Variants in BBX observed in about 807,000 individuals in gnomAD.
BBX encodes HMG box transcription factor BBX.
A neutral mutation model predicts 100.2 loss-of-function variants in BBX; 30 were observed. The observed-to-expected ratio is 0.30, with a 90% CI of 0.22 to 0.41. BBX has a LOEUF of 0.41. BBX is among the 10% of genes least tolerant of loss of function. The pLI, the probability that BBX is intolerant of heterozygous loss-of-function variation, is 1.00. For missense variants in BBX, 1,023 were observed against 1,129.8 expected, an observed-to-expected ratio of 0.91 and a Z score of 1.35; for synonymous variants, 376 against 388.1, an observed-to-expected ratio of 0.97 and a Z score of 0.37.
At chr3:107,671,218 A>G (rs1321023156) in intron 3 of BBX, among the ~76,000 whole-genome samples, 2 of 152,018 alleles carry the variant, frequency 1.3e-5, no homozygotes, top group East Asian at 1.9e-4. Context: ...CAGTTGCCCA[A>G]CAAAAGTTAT....
At chr3:107,555,842 C>T (rs993475620) in intron 2 of BBX, among the ~76,000 whole-genome samples, 16 of 152,242 alleles carry the variant, frequency 1.1e-4, no homozygotes, top group East Asian at 3.9e-4. Flanking sequence ...TATGAATAGT[C>T]CTCCCCTTGG....
intron 2 of BBX, among the ~76,000 whole-genome samples, chr3:107,567,335 T>C (rs1045199256): frequency 6.6e-6 from 1 of 152,144 alleles, no homozygotes; most frequent in Non-Finnish European, 1.5e-5. Context: ...TTGTCTCTTA[T>C]TTTCAGAGAG....
At chr3:107,594,985 G>T (rs1196519953) in intron 2 of BBX, among the ~76,000 whole-genome samples, 1 of 152,212 alleles carries the variant, frequency 6.6e-6, no homozygotes, top group African/African-American at 2.4e-5. Flanking sequence ...ACTCCAGAAT[G>T]TCTGCTCTTT....
At chr3:107,574,509 A>G (rs1426910448) in intron 2 of BBX, among the ~76,000 whole-genome samples, 1 of 152,194 alleles carries the variant, frequency 6.6e-6, no homozygotes, top group Non-Finnish European at 1.5e-5. Flanking sequence ...TGTTATTTAT[A>G]TTTTGGTACT....
intron 3 of BBX, among the ~76,000 whole-genome samples, chr3:107,667,731 T>G (rs1036014431): frequency 2.6e-5 from 4 of 152,014 alleles, no homozygotes; most frequent in African/African-American, 9.6e-5. Context: ...TAAAAGTAAC[T>G]CAGCATTGAG....
Position 107,773,103 on chromosome 3 carries a change from G to A in BBX, c.1382G>A (p.Arg461Gln), listed in dbSNP as rs748986229. 2.5e-6 allele frequency: 4 copies of A among 1,613,300 alleles called. No homozygotes were observed. The highest frequency in any genetic ancestry group is 1.1e-5 in the South Asian group (1 of 90,848). The change falls in exon 11 of 18, where the codon CGA becomes CAA. Residue 461 changes from arginine to glutamine, a missense_variant. Arg to Gln is a conservative substitution (Grantham distance 43). Around this residue, in one of 9 missense-constraint regions of BBX, gnomAD observed 348 missense variants for 353.2 expected, o/e 0.99. Transcript: ENST00000325805. The surrounding 1 kb of genome is among the most constrained non-coding windows in gnomAD (Gnocchi z 4.1). ...AAAAAGAAGAAAAGCAAAATGGATC[G>A]ACATGGAAATGATAAATCCACACCC... Reference protein sequence around the residue: ...KKKKKKSKMDRHGNDKSTPKK... With the variant: ...KKKKKKSKMDQHGNDKSTPKK...
intron 2 of BBX, among the ~76,000 whole-genome samples, chr3:107,596,683 A>C (rs186494216): frequency 3.5e-4 from 54 of 152,318 alleles, no homozygotes; most frequent in African/African-American, 1.1e-3. Flanking sequence ...CCTGGGAAAC[A>C]CTAATAAAGG....
intron 2 of BBX, among the ~76,000 whole-genome samples, chr3:107,639,845 A>G (rs1202953713): frequency 6.6e-6 from 1 of 152,214 alleles, no homozygotes; most frequent in Non-Finnish European, 1.5e-5. Flanking sequence ...TTAAACATAT[A>G]TGAAAGCCAT....
At chr3:107,730,402 A>C (rs2063234025) in intron 6 of BBX, among the ~76,000 whole-genome samples, 1 of 151,216 alleles carries the variant, frequency 6.6e-6, no homozygotes, top group African/African-American at 2.4e-5. Flanking sequence ...CTTCCAGCTG[A>C]TTTTCTTTGG....
intron 5 of BBX, among the ~76,000 whole-genome samples, chr3:107,724,840 G>A (rs1276781655): frequency 5.9e-5 from 9 of 152,130 alleles, no homozygotes; most frequent in South Asian, 2.1e-4. Context: ...GTCAGGTAGC[G>A]TGATGCCTCC....
In BBX at chr3:107,726,553, T is replaced by C. The variant is rs539933058; in HGVS notation, c.406-2212T>C. Among the ~76,000 whole-genome samples the C allele has an allele frequency of 5.9e-5, 9 of 152,156 alleles. No homozygotes were observed. In the East Asian group the frequency reaches 1.7e-3, roughly 29 times the overall value. The stretch of plus-strand genomic sequence containing the variant: ...ATATTGTGATACAGTTACAGAGTGT[T>C]GACCCTCATAGTAAATTCTGTTATT... On this transcript the variant is annotated intron_variant, in intron 5 of 17. Transcript: ENST00000325805.
rs376586358 is a variant in BBX, at chr3:107,798,693, C to T, written c.2524C>T (p.Arg842Trp). 3.3e-5 allele frequency: 53 copies of T among 1,613,774 alleles called. No homozygotes were observed. Among genetic ancestry groups the T allele is most frequent in the African/African-American group, 6.7e-5 (5 of 74,814 alleles). ...ACACCTTGTCAGGACAGCAGATGGC[C>T]GGGTATCACCAGCAGGAGGTACTTT... ...ITHLVRTADG[R>W]VSPAGGTLDD... Residue 842 changes from arginine to tryptophan, a missense_variant, in exon 16 of 18, where the codon CGG becomes TGG. Coordinates refer to ENST00000325805, the MANE Select transcript of BBX (RefSeq NM_001142568.3).
rs756290745 is a variant in BBX at position 107,716,695 on chromosome 3, T to C, written c.251T>C (p.Met84Thr). The C allele has an allele frequency of 1.2e-6, 2 of 1,613,806 alleles. No homozygotes were observed. Among genetic ancestry groups the C allele is most frequent in the African/African-American group, 1.3e-5 (1 of 75,008 alleles). ...ESPEQRARRP[M>T]NAFLLFCKRH... is the part of the protein sequence containing the mutation. ...CCAGAGCAGCGAGCCCGGAGACCAA[T>C]GAATGCATTTCTTTTATTTTGCAAA... is the stretch of plus-strand genomic sequence containing the variant. Residue 84 changes from methionine (M) to threonine (T), a missense_variant, in exon 5 of 18, where the codon ATG (methionine) becomes ACG (threonine). Coordinates refer to ENST00000325805, the MANE Select transcript of BBX (RefSeq NM_001142568.3).
intron 9 of BBX, among the ~76,000 whole-genome samples, chr3:107,750,633 C>T (rs2065011857): frequency 6.6e-6 from 1 of 152,178 alleles, no homozygotes; most frequent in Non-Finnish European, 1.5e-5. Flanking sequence ...AGTACCCTAA[C>T]TTTCAATCTT....
intron 4 of BBX, among the ~76,000 whole-genome samples, chr3:107,713,569 T>C (rs1177809937): frequency 1.3e-5 from 2 of 152,182 alleles, no homozygotes; most frequent in African/African-American, 4.8e-5. Context: ...ATGTATTTAC[T>C]TTTTGATTAA....
At chr3:107,794,189 G>A (rs2069358941) in intron 15 of BBX, among the ~76,000 whole-genome samples, 1 of 152,004 alleles carries the variant, frequency 6.6e-6, no homozygotes, top group Non-Finnish European at 1.5e-5. Context: ...ATAGTTTACA[G>A]GGGGCTTTCA....
At chr3:107,698,777 C>G (rs1313706423) in intron 3 of BBX, among the ~76,000 whole-genome samples, 1 of 144,534 alleles carries the variant, frequency 6.9e-6, no homozygotes. Context: ...GTCAAAATTA[C>G]AAATAGAGAG....
intron 2 of BBX, among the ~76,000 whole-genome samples, chr3:107,568,515 T>C (rs2051103216): frequency 6.6e-6 from 1 of 152,110 alleles, no homozygotes; most frequent in African/African-American, 2.4e-5. Flanking sequence ...CCCCTCGGCC[T>C]CCCAAAGTGC....
At chr3:107,657,354 T>A (rs1214914581) in intron 3 of BBX, among the ~76,000 whole-genome samples, 1 of 152,196 alleles carries the variant, frequency 6.6e-6, no homozygotes, top group African/African-American at 2.4e-5. Flanking sequence ...TAAGGATTCC[T>A]TCAATGACAA....
Sources: gnomAD v4.1 joint callset for allele counts (sites outside exome capture counted in the v4.1 genomes callset) on GRCh38, gnomAD v4.1.1 for gene constraint, gnomAD v4.1.1 regional missense constraint, Gnocchi (gnomAD v3.1) non-coding constraint, MANE v1.5 for transcripts, NCBI Gene and HGNC (gene_info 2026-07-23, HGNC 2026-07-21) for gene names.